The following KRT86 variants were observed in gnomAD, a reference collection of about 807,000 sequenced individuals.
KRT86 encodes the protein keratin 86, also known as keratin, type II cuticular Hb6.
A neutral mutation model predicts 41.2 loss-of-function variants in KRT86; 30 were observed. The observed-to-expected ratio is 0.73, with a 90% CI of 0.54 to 0.99. KRT86 has a LOEUF of 0.99. Among genes scored for constraint, KRT86 ranks in the 50% least tolerant of loss-of-function variants. The probability of loss-of-function intolerance (pLI) is 0.00; values close to 1 mark genes in which losing one functional copy is unlikely to be tolerated. For missense variants in KRT86, 561 were observed against 571.4 expected, an observed-to-expected ratio of 0.98 and a Z score of 0.19; for synonymous variants, 238 against 238.1, an observed-to-expected ratio of 1.00 and a Z score of 0.00.
chr12:52,280,287 T>C (rs2852452), intron 2 of KRT86, among the ~76,000 whole-genome samples: 130,268 of 152,148 alleles, frequency 0.86, 56,208 homozygotes, highest in African/African-American at 0.96. Flanking sequence ...AGGCATTGGA[T>C]TTTGGTGGTC....
chr12:52,278,109 C>T (rs943465223), intron 2 of KRT86, among the ~76,000 whole-genome samples: 18 of 152,158 alleles, frequency 1.2e-4, no homozygotes, highest in African/African-American at 4.1e-4. Flanking sequence ...GTTACATGAC[C>T]AGGTGGGGCT....
At chr12:52,297,300 C>G (rs73309344) in intron 2 of KRT86, among the ~76,000 whole-genome samples, 4,445 of 152,312 alleles carry the variant, frequency 0.029, 226 homozygotes, top group African/African-American at 0.1. Flanking sequence ...CTTTAGACTT[C>G]TGGCCTTTCT....
rs759416656 is a variant in KRT86 at position 52,291,493 on chromosome 12, G to A, written c.-4-10420G>A. On this transcript the variant is annotated intron_variant, in intron 2 of 10. Coordinates refer to ENST00000423955, the MANE Select transcript of KRT86 (RefSeq NM_001320198.2). Reference sequence around the variant, plus strand: ...TCCTCCTGGACGTTTGGGTTGCAGAGGACAGGATAGGGGACCTGGAGTCCT... The same window carrying A: ...TCCTCCTGGACGTTTGGGTTGCAGAAGACAGGATAGGGGACCTGGAGTCCT... 3 of 1,611,550 alleles carry A rather than the reference G, an allele frequency of 1.9e-6. No homozygotes were observed. The South Asian group carries it at 3.3e-5, about 18-fold the overall frequency.
In KRT86 at chr12:52,302,218, G is replaced by A. The variant is rs1938404472; in HGVS notation, c.302G>A (p.Cys101Tyr). 8.7e-7 allele frequency: 1 copy of A among 1,144,544 alleles called. No individual in the cohort carries two copies. The highest frequency in any genetic ancestry group is 2.5e-5 in the Admixed American group (1 of 40,432). 70.9% of individuals were successfully genotyped at this position (1,144,544 alleles called of 1,614,324 possible). Residue 101 changes from cysteine (C) to tyrosine (Y), a missense_variant, in exon 3 of 11, where the codon TGC becomes TAC. Physicochemically the swap from Cys to Tyr is radical, Grantham distance 194. Around this residue, in one of 3 missense-constraint regions of KRT86, gnomAD observed 164 missense variants for 172.5 expected, o/e 0.95. Transcript: ENST00000423955. ...LNLEIDPNAQ[C>Y]VKQEEKEQIK... is the part of the protein sequence containing the mutation. ...CTGGAGATCGACCCCAACGCGCAGT[G>A]CGTGAAGCAGGAGGAGAAGGAGCAG...
rs758856533 is a variant in KRT86 at position 52,288,109 on chromosome 12, C to T, written c.-5+12163C>T. The stretch of plus-strand genomic sequence containing the variant: ...CGGCTGTTGTCCAGCTTGACAACCA[C>T]GGAGGTGTCTGAGATGTGCGACTGG... On this transcript the variant is annotated intron_variant, in intron 2 of 10. Coordinates refer to ENST00000423955, the MANE Select transcript of KRT86 (RefSeq NM_001320198.2). 124 of 1,614,108 alleles carry T rather than the reference C, an allele frequency of 7.7e-5. No homozygotes were observed. The highest frequency in any genetic ancestry group is 1.6e-4 in the Middle Eastern group (1 of 6,062).
At chr12:52,281,425 A>T (rs920250895) in intron 2 of KRT86, among the ~76,000 whole-genome samples, 2 of 152,208 alleles carry the variant, frequency 1.3e-5, no homozygotes, top group African/African-American at 4.8e-5. Context: ...AGTAGATGTG[A>T]TGGGGTTGAG....
At position 52,305,980 on chromosome 12, in the gene KRT86, TG is replaced by T. The variant is rs1245523527; in HGVS notation, c.1027-76del. 6 of 1,583,010 alleles carry T rather than the reference TG, an allele frequency of 3.8e-6. No individual in the cohort carries two copies. In the African/African-American group the frequency reaches 8.1e-5, roughly 21 times the overall value. ...CTGTTCTGGGGTGCTCCCAGCTTGG[TG>T]GGGAGCATGGTCTCATCGAGGTAAG... On this transcript the variant is annotated intron_variant, in intron 8 of 10. Coordinates refer to ENST00000423955, the MANE Select transcript of KRT86 (RefSeq NM_001320198.2).
intron 2 of KRT86, chr12:52,286,714 A>G: frequency 4.1e-6 from 6 of 1,476,682 alleles, no homozygotes; most frequent in Non-Finnish European, 5.7e-6. Flanking sequence ...CAATCTCAGT[A>G]ACACTCCTTT....
intron 2 of KRT86, chr12:52,288,559 T>A: frequency 7.4e-7 from 1 of 1,356,186 alleles, no homozygotes; most frequent in Non-Finnish European, 1.1e-6. Flanking sequence ...AAGCAGTCCC[T>A]GGTGTCCCAT....
chr12:52,279,931 G>A (rs950568620), intron 2 of KRT86, among the ~76,000 whole-genome samples: 1 of 152,186 alleles, frequency 6.6e-6, no homozygotes, highest in African/African-American at 2.4e-5. Flanking sequence ...GATTCCTGGA[G>A]ATGAGGTTCT....
intron 2 of KRT86, among the ~76,000 whole-genome samples, chr12:52,298,774 G>T (rs562523313): frequency 1.3e-5 from 2 of 152,166 alleles, no homozygotes; most frequent in African/African-American, 2.4e-5. Context: ...AATATGCCAT[G>T]TATTCAAACT....
Position 52,305,808 on chromosome 12 carries a change from A to G in KRT86, c.1026+20A>G, listed in dbSNP as rs1938500471. The G allele has an allele frequency of 2.5e-6, 4 of 1,613,968 alleles. No individual in the cohort carries two copies. In the East Asian group the frequency reaches 8.9e-5, roughly 36 times the overall value. The stretch of plus-strand genomic sequence containing the variant: ...TGCCAGGTATGGGGCATCTGTGCCC[A>G]AGGTCAGAGAGACCGAGGGTCTAAC... On this transcript the variant is annotated intron_variant, in intron 8 of 10. Transcript: ENST00000423955.
intron 2 of KRT86, chr12:52,291,058 T>C (rs1592427180): frequency 1.8e-5 from 9 of 512,278 alleles, no homozygotes; most frequent in Non-Finnish European, 2.8e-5. Context: ...GCTGTGTAGG[T>C]GGTGGGGGTT....
At chr12:52,291,623 G>T in intron 2 of KRT86, 3 of 1,169,078 alleles carry the variant, frequency 2.6e-6, no homozygotes, top group East Asian at 2.6e-5. Context: ...TGCGCTTTAT[G>T]GGCTTGGGTG....
At position 52,291,225 on chromosome 12, in the gene KRT86, C is replaced by T. The variant is rs760601861; in HGVS notation, c.-4-10688C>T. 91 of 1,478,502 alleles carry T rather than the reference C, an allele frequency of 6.2e-5. No individual in the cohort carries two copies. The highest frequency in any genetic ancestry group is 7.1e-5 in the Non-Finnish European group (78 of 1,100,200). The allele number at this position is 1,478,502 out of a possible 1,614,324, so 91.6% of individuals were successfully genotyped here. A position where few individuals can be genotyped will look rare whatever the true frequency, so the allele number is the denominator to read the frequency against. ...GTGAGGAGGCTCTCGTTGACCGACA[C>T]GGTGGTGATGCATGGGGGACTGGGC... On this transcript the variant is annotated intron_variant, in intron 2 of 10. Coordinates refer to ENST00000423955, the MANE Select transcript of KRT86 (RefSeq NM_001320198.2).
In KRT86 at chr12:52,306,295, C is replaced by T. The variant is rs1938517066; in HGVS notation, c.1247+15C>T. 2 of 1,612,986 alleles carry T rather than the reference C, an allele frequency of 1.2e-6. No homozygotes were observed. Among genetic ancestry groups the T allele is most frequent in the Admixed American group, 1.7e-5 (1 of 60,004 alleles). On this transcript the variant is annotated intron_variant, in intron 9 of 10. Coordinates refer to ENST00000423955, the MANE Select transcript of KRT86 (RefSeq NM_001320198.2). ...GAGGAGCAGAGGTGGGTCCCATAGACCTTTCCCTTTCCCAGCCCTGCCAGG... is the reference window on the plus strand; with the variant it reads ...GAGGAGCAGAGGTGGGTCCCATAGATCTTTCCCTTTCCCAGCCCTGCCAGG...
intron 9 of KRT86, 76 bp downstream of exon 9, chr12:52,306,356 C>T: frequency 6.2e-7 from 1 of 1,606,758 alleles, no homozygotes; most frequent in Non-Finnish European, 8.5e-7. Context: ...CTCCTGGCAG[C>T]ATTTAAGTTT....
intron 2 of KRT86, 117 bp from the exon 3 acceptor site, chr12:52,301,796 C>A: frequency 6.2e-7 from 1 of 1,606,700 alleles, no homozygotes; most frequent in Non-Finnish European, 8.5e-7. Context: ...TGGTCACAGT[C>A]TCCCCACTTA....
At chr12:52,308,164 C>T (rs970257162) in intron 9 of KRT86, 69 bp from the exon 10 acceptor site, 3 of 1,603,704 alleles carry the variant, frequency 1.9e-6, no homozygotes, top group Non-Finnish European at 2.6e-6. Flanking sequence ...CAGATGTCCC[C>T]CTCCACTTCA....
Sources: allele counts gnomAD v4.1 joint callset (sites outside exome capture counted in the v4.1 genomes callset), GRCh38; gene constraint gnomAD v4.1.1; regional missense constraint gnomAD v4.1.1; transcripts MANE v1.5; gene names NCBI Gene and HGNC (gene_info 2026-07-23, HGNC 2026-07-21).